Variants in NBEA observed in about 807,000 individuals in gnomAD.
NBEA encodes lysosomal-trafficking regulator 2.
In NBEA, 44 loss-of-function variants were observed where a neutral mutation model predicts 343.4. The observed-to-expected ratio is 0.13, with a 90% CI of 0.10 to 0.16. The LOEUF is 0.16. Among genes scored for constraint, NBEA ranks in the 10% least tolerant of loss-of-function variants. The pLI is 1.00. For synonymous variants in NBEA, 1,175 were observed against 1,238.7 expected (o/e 0.95, Z 1.08); for missense variants, 2,555 against 3,631.3 (o/e 0.70, Z 7.62).
intron 47 of NBEA, among the ~76,000 whole-genome samples, chr13:35,598,226 A>G (rs2081895284): frequency 6.6e-6 from 1 of 152,180 alleles, no homozygotes; most frequent in Non-Finnish European, 1.5e-5. Flanking sequence ...AACTCCATTC[A>G]GAAGGGGGAG....
chr13:35,335,522 T>C (rs1223155815), intron 36 of NBEA, among the ~76,000 whole-genome samples: 11 of 152,218 alleles, frequency 7.2e-5, no homozygotes, highest in Admixed American at 5.9e-4. Flanking sequence ...ATTTGTTTCA[T>C]CGATGTATTA....
intron 49 of NBEA, among the ~76,000 whole-genome samples, chr13:35,638,077 G>A (rs928898154): frequency 6.6e-6 from 1 of 152,110 alleles, no homozygotes; most frequent in Admixed American, 6.5e-5. Flanking sequence ...AAATCATAGA[G>A]AAAGAAAGTG....
intron 34 of NBEA, among the ~76,000 whole-genome samples, chr13:35,260,296 C>T (rs1721216372): frequency 6.6e-6 from 1 of 152,176 alleles, no homozygotes; most frequent in Admixed American, 6.5e-5. Flanking sequence ...TTCTAAAAGA[C>T]ATACTTTGAT....
At chr13:35,573,726 A>G (rs1322075907) in intron 45 of NBEA, among the ~76,000 whole-genome samples, 1 of 152,240 alleles carries the variant, frequency 6.6e-6, no homozygotes, top group Non-Finnish European at 1.5e-5. Context: ...CTGTTAAAGA[A>G]GAAACTGAAA....
At chr13:35,180,099 A>G (rs1164472597) in intron 28 of NBEA, among the ~76,000 whole-genome samples, 2 of 151,748 alleles carry the variant, frequency 1.3e-5, no homozygotes, top group Admixed American at 6.6e-5. Context: ...TTGCCTGCAA[A>G]TGCACATAAA....
At chr13:35,277,154 T>C (rs2034644376) in intron 34 of NBEA, among the ~76,000 whole-genome samples, 1 of 152,132 alleles carries the variant, frequency 6.6e-6, no homozygotes, top group Non-Finnish European at 1.5e-5. Flanking sequence ...AACACTGCTT[T>C]GTTTCCAACT....
intron 7 of NBEA, among the ~76,000 whole-genome samples, chr13:35,058,254 T>G (rs969430896): frequency 6.6e-6 from 1 of 152,076 alleles, no homozygotes; most frequent in African/African-American, 2.4e-5. Context: ...TATGGAGAAG[T>G]AGAGGAATAG....
chr13:35,662,553 G>A (rs2085148947), intron 55 of NBEA, among the ~76,000 whole-genome samples: 1 of 152,098 alleles, frequency 6.6e-6, no homozygotes, highest in Admixed American at 6.5e-5. Context: ...GCCTGGAATG[G>A]CATTTTATTT....
At chr13:35,412,977 G>A (rs1594537901) in intron 38 of NBEA, among the ~76,000 whole-genome samples, 1 of 152,102 alleles carries the variant, frequency 6.6e-6, no homozygotes. Context: ...GTAGTGAGTA[G>A]ATATGTGTAC....
At chr13:34,968,597 A>T (rs2059903034) in intron 1 of NBEA, among the ~76,000 whole-genome samples, 1 of 152,188 alleles carries the variant, frequency 6.6e-6, no homozygotes, top group African/African-American at 2.4e-5. Context: ...TGGCCGTATA[A>T]TAAAACTTTA....
At chr13:34,976,835 G>A (rs1383647272) in intron 1 of NBEA, among the ~76,000 whole-genome samples, 2 of 151,108 alleles carry the variant, frequency 1.3e-5, no homozygotes, top group Non-Finnish European at 2.9e-5. Flanking sequence ...TTTACCTCTC[G>A]TAAACCATTC....
At position 35,427,474 on chromosome 13, in the gene NBEA, G is replaced by A. The variant is rs568273954; in HGVS notation, c.6180-4795G>A. ...ATATTGGTGAACTGCAAATGCTGCT[G>A]CCGAATCGTTCCTCTGGAAGTTTTG... On this transcript the variant is annotated intron_variant, in intron 38 of 58. Transcript: ENST00000379939. 5.3e-5 allele frequency among the ~76,000 whole-genome samples: 8 copies of A among 152,288 alleles called. No homozygotes were observed. The East Asian group carries it at 1.5e-3, about 30-fold the overall frequency.
At chr13:35,578,261 C>G (rs558344255) in intron 45 of NBEA, among the ~76,000 whole-genome samples, 1 of 152,136 alleles carries the variant, frequency 6.6e-6, no homozygotes, top group Non-Finnish European at 1.5e-5. Context: ...CTTCAGTGTA[C>G]TCATTTGTAA....
In NBEA at chr13:35,439,204, A is replaced by AT. The variant is rs566871838; in HGVS notation, c.6304+6812dup. ...ACATACAGGAGAGCTCCCCACAACA[A>AT]TGACAACAGCAAAATTCCAGCACGA... is the stretch of plus-strand genomic sequence containing the variant. On this transcript the variant is annotated intron_variant, in intron 39 of 58. Transcript: ENST00000379939. Among the ~76,000 whole-genome samples, 599 of 152,300 alleles carry AT rather than the reference A, an allele frequency of 3.9e-3. 4 individuals are homozygous for AT. Among genetic ancestry groups the AT allele is most frequent in the Non-Finnish European group, 4.3e-3 (294 of 68,000 alleles).
At chr13:34,976,593 A>G (rs576966719) in intron 1 of NBEA, among the ~76,000 whole-genome samples, 2 of 152,264 alleles carry the variant, frequency 1.3e-5, no homozygotes, top group African/African-American at 2.4e-5. Context: ...AAAATAAATT[A>G]CAAAGAATTA....
chr13:35,496,630 T>C (rs1391621016), intron 41 of NBEA, among the ~76,000 whole-genome samples: 2 of 17,116 alleles, frequency 1.2e-4, no homozygotes, highest in Non-Finnish European at 3.0e-4. Context: ...TGAGATTCTG[T>C]CAAAAAAAAA....
At chr13:35,642,472 G>A (rs1477268488) in intron 49 of NBEA, among the ~76,000 whole-genome samples, 1 of 152,120 alleles carries the variant, frequency 6.6e-6, no homozygotes, top group East Asian at 1.9e-4. Context: ...CGTGTTCAAT[G>A]TTAACTCATT....
chr13:35,003,296 T>C (rs1489518631), intron 1 of NBEA, among the ~76,000 whole-genome samples: 1 of 152,180 alleles, frequency 6.6e-6, no homozygotes, highest in East Asian at 1.9e-4. Flanking sequence ...GGTAAGAGAA[T>C]TGATTATGCG....
chr13:35,233,671 G>T (rs914432833), intron 34 of NBEA, among the ~76,000 whole-genome samples: 1 of 152,086 alleles, frequency 6.6e-6, no homozygotes, highest in Admixed American at 6.6e-5. Flanking sequence ...TCTGGGCTAG[G>T]TACTATGTTA....
Sources: gnomAD v4.1 joint callset for allele counts (sites outside exome capture counted in the v4.1 genomes callset) on GRCh38, gnomAD v4.1.1 for gene constraint, MANE v1.5 for transcripts, NCBI Gene and HGNC (gene_info 2026-07-23, HGNC 2026-07-21) for gene names.